SHISA9: variants seen among roughly 807,000 people sequenced by gnomAD.
SHISA9 encodes the protein shisa family member 9.
SHISA9 carries 13 observed loss-of-function variants against 38.0 expected under a neutral mutation model. The ratio of observed to expected loss-of-function variants is 0.34; its 90% confidence interval spans 0.22 to 0.54. SHISA9 has a LOEUF of 0.54. SHISA9 is among the 20% of genes least tolerant of loss of function. The pLI, the probability that SHISA9 is intolerant of heterozygous loss-of-function variation, is 0.91. For synonymous variants in SHISA9, 275 were observed against 242.0 expected, an observed-to-expected ratio of 1.14 and a Z score of -1.27; for missense variants, 538 against 575.8, an observed-to-expected ratio of 0.93 and a Z score of 0.67.
the SHISA9 span, among the ~76,000 whole-genome samples, chr16:13,257,671 CAGG>C: frequency 6.6e-6 from 1 of 152,152 alleles, no homozygotes; most frequent in Admixed American, 6.6e-5. Context: ...CATGTCTTTG[CAGG>C]TGTTGCCATG....
the SHISA9 span, among the ~76,000 whole-genome samples, chr16:13,301,446 G>A: frequency 2.0e-4 from 30 of 152,292 alleles, no homozygotes; most frequent in African/African-American, 6.3e-4. Context: ...TTGAAATACC[G>A]TGAGGTCGAA....
chr16:12,962,759 T>A (rs2071927638), intron 2 of SHISA9, among the ~76,000 whole-genome samples: 1 of 152,212 alleles, frequency 6.6e-6, no homozygotes. Context: ...GTGGCCCAAA[T>A]GGACTAAGAC....
chr16:13,365,318 T>C, the SHISA9 span, among the ~76,000 whole-genome samples: 1 of 152,156 alleles, frequency 6.6e-6, no homozygotes, highest in Admixed American at 6.5e-5. Flanking sequence ...GGACCTACAA[T>C]GTAAGGAGGG....
At chr16:13,200,618 G>T (rs2050997913) in intron 2 of SHISA9, among the ~76,000 whole-genome samples, 1 of 87,102 alleles carries the variant, frequency 1.1e-5, no homozygotes, top group African/African-American at 5.1e-5. Flanking sequence ...GCTCCAAGGT[G>T]TGGTGAAAGC....
chr16:13,431,954 A>G, the SHISA9 span, among the ~76,000 whole-genome samples: 20 of 152,150 alleles, frequency 1.3e-4, no homozygotes, highest in African/African-American at 4.8e-4. Flanking sequence ...CCAGCTACTC[A>G]GGAGGCTGAG....
At chr16:12,972,073 G>GTA (rs1437514655) in intron 2 of SHISA9, among the ~76,000 whole-genome samples, 1 of 151,128 alleles carries the variant, frequency 6.6e-6, no homozygotes, top group Admixed American at 6.6e-5. Flanking sequence ...GTGTGTGTGT[G>GTA]TGTGTGTGTT....
At chr16:12,932,643 G>T (rs548773907) in intron 2 of SHISA9, among the ~76,000 whole-genome samples, 124 of 152,162 alleles carry the variant, frequency 8.1e-4, no homozygotes, top group Middle Eastern at 3.4e-3. Context: ...GTGCCTGCCT[G>T]GGTTATCTAG....
chr16:13,404,955 G>C, the SHISA9 span, among the ~76,000 whole-genome samples: 1 of 152,232 alleles, frequency 6.6e-6, no homozygotes, highest in East Asian at 1.9e-4. Context: ...GTGATGCCTG[G>C]GACTTCTGAA....
At chr16:12,939,019 A>G (rs943968927) in intron 2 of SHISA9, among the ~76,000 whole-genome samples, 2 of 152,058 alleles carry the variant, frequency 1.3e-5, no homozygotes, top group African/African-American at 2.4e-5. Context: ...TTTGGGGGAA[A>G]AACTCCATCA....
At chr16:13,082,915 A>G (rs931691817) in intron 2 of SHISA9, among the ~76,000 whole-genome samples, 1 of 152,204 alleles carries the variant, frequency 6.6e-6, no homozygotes, top group Non-Finnish European at 1.5e-5. Flanking sequence ...AAGAGAGTCC[A>G]TCACCTCCTT....
intron 2 of SHISA9, among the ~76,000 whole-genome samples, chr16:13,061,047 G>A (rs1045671886): frequency 1.4e-4 from 22 of 152,146 alleles, no homozygotes; most frequent in African/African-American, 5.3e-4. Flanking sequence ...CAATGCTCCT[G>A]TCTCCACTGG....
chr16:13,179,133 T>C (rs1458796347), intron 2 of SHISA9, among the ~76,000 whole-genome samples: 1 of 152,110 alleles, frequency 6.6e-6, no homozygotes, highest in Non-Finnish European at 1.5e-5. Context: ...CCAGCCAATA[T>C]GGCAAAACCC....
chr16:13,448,334 C>A, the SHISA9 span, among the ~76,000 whole-genome samples: 1 of 152,184 alleles, frequency 6.6e-6, no homozygotes, highest in Non-Finnish European at 1.5e-5. Context: ...CCTTCAAAGG[C>A]CATTATCGAG....
chr16:12,909,651 ATCT>A, intron 1 of SHISA9: 2 of 974,394 alleles, frequency 2.1e-6, no homozygotes, highest in Middle Eastern at 1.1e-3. Flanking sequence ...CTCCAATGTC[ATCT>A]TCTCTGAGAA....
Position 13,237,779 on chromosome 16 carries a change from G to A in SHISA9, c.*2370G>A, listed in dbSNP as rs866306837. On this transcript the variant is annotated 3_prime_UTR_variant, in exon 5 of 5. Transcript: ENST00000558583. The stretch of plus-strand genomic sequence containing the variant: ...CAGAGATTTAGTGCCCACCTTCTCA[G>A]CCTCCTTGGGAAGACCCCAGAGCTT... 2 of 151,944 alleles carry A rather than the reference G, an allele frequency of 1.3e-5. No individual in the cohort carries two copies. Among genetic ancestry groups the A allele is most frequent in the Non-Finnish European group, 1.5e-5 (1 of 68,000 alleles). The allele number at this position is 151,944 out of a possible 1,614,324, so 9.4% of individuals were successfully genotyped here.
chr16:13,157,127 A>G (rs1026110875), intron 2 of SHISA9, among the ~76,000 whole-genome samples: 3 of 151,942 alleles, frequency 2.0e-5, no homozygotes, highest in African/African-American at 7.3e-5. Context: ...TCTTCTTCTT[A>G]CGTGTTTATT....
intron 2 of SHISA9, among the ~76,000 whole-genome samples, chr16:13,126,579 GA>G (rs1387489264): frequency 4.0e-5 from 5 of 125,492 alleles, no homozygotes; most frequent in Admixed American, 3.1e-4. Flanking sequence ...GAGAAAGGGG[GA>G]AAGAGAGAGA....
At chr16:13,533,774 ACT>A in the SHISA9 span, among the ~76,000 whole-genome samples, 3 of 137,830 alleles carry the variant, frequency 2.2e-5, 1 homozygote, top group Admixed American at 2.4e-4. Context: ...TGCTACCATA[ACT>A]CTCAATTTTT....
At chr16:13,468,881 C>T in the SHISA9 span, among the ~76,000 whole-genome samples, 3 of 151,474 alleles carry the variant, frequency 2.0e-5, no homozygotes, top group Non-Finnish European at 4.4e-5. Flanking sequence ...TTATATATTG[C>T]TTTTTATATA....
Sources: allele counts gnomAD v4.1 joint callset (sites outside exome capture counted in the v4.1 genomes callset), GRCh38; gene constraint gnomAD v4.1.1; transcripts MANE v1.5; gene names NCBI Gene and HGNC (gene_info 2026-07-23, HGNC 2026-07-21).